Variants in SESN3 observed in about 807,000 individuals in gnomAD.
The protein encoded by SESN3 is sestrin 3.
A neutral mutation model predicts 55.3 loss-of-function variants in SESN3; 21 were observed. That is an observed-to-expected ratio of 0.38 (90% CI 0.27 to 0.55). The LOEUF is 0.55. SESN3 is among the 20% of genes least tolerant of loss of function. The pLI is 0.76. For synonymous variants in SESN3, 181 were observed against 203.1 expected (o/e 0.89, Z 0.93); for missense variants, 408 against 604.3 (o/e 0.68, Z 3.41).
intron 1 of SESN3, among the ~76,000 whole-genome samples, chr11:95,228,558 A>G (rs1431986800): frequency 6.6e-6 from 1 of 152,238 alleles, no homozygotes; most frequent in Admixed American, 6.5e-5. Flanking sequence ...TTTATTAGAA[A>G]TAAACTTTTC....
intron 8 of SESN3, among the ~76,000 whole-genome samples, chr11:95,176,623 C>T (rs1488736233): frequency 6.6e-6 from 1 of 152,138 alleles, no homozygotes; most frequent in African/African-American, 2.4e-5. Context: ...TTCTCTGTTA[C>T]ATTTTCAGTT....
chr11:95,188,668 G>A (rs527656506), intron 4 of SESN3, among the ~76,000 whole-genome samples: 1 of 151,846 alleles, frequency 6.6e-6, no homozygotes, highest in Admixed American at 6.6e-5. Flanking sequence ...TATTCTTCAA[G>A]ACCTAGCTCA....
intron 1 of SESN3, among the ~76,000 whole-genome samples, chr11:95,220,945 T>C (rs1860846458): frequency 6.6e-6 from 1 of 152,198 alleles, no homozygotes; most frequent in African/African-American, 2.4e-5. Flanking sequence ...TTTAAATGCT[T>C]AGCACATAAG....
rs1003862416 is a variant in SESN3, at chr11:95,230,983, C to A, written c.-123G>T. 3.6e-6 allele frequency: 2 copies of A among 558,840 alleles called. No individual in the cohort carries two copies. The highest frequency in any genetic ancestry group is 5.8e-6 in the Non-Finnish European group (2 of 347,058). 34.6% of individuals were successfully genotyped at this position (558,840 alleles called of 1,614,324 possible). On this transcript the variant is annotated 5_prime_UTR_variant, in exon 1 of 10. Coordinates refer to ENST00000536441, the MANE Select transcript of SESN3 (RefSeq NM_144665.4). The surrounding 1 kb of genome is among the most constrained non-coding windows in gnomAD (Gnocchi z 4.6). ...CGATTCCGCCTCAGCCTCCTCAAGG[C>A]GGGATGTCGGGAGGAGAGGCGACTG...
At chr11:95,220,511 C>T (rs1378177056) in intron 1 of SESN3, among the ~76,000 whole-genome samples, 5 of 152,018 alleles carry the variant, frequency 3.3e-5, no homozygotes, top group Admixed American at 3.3e-4. Flanking sequence ...AAAGAGATAA[C>T]TATATAGGAT....
intron 1 of SESN3, among the ~76,000 whole-genome samples, chr11:95,196,133 T>C (rs941745618): frequency 1.3e-5 from 2 of 152,124 alleles, no homozygotes; most frequent in Non-Finnish European, 2.9e-5. Context: ...ACTAACACAA[T>C]TTTTAAGTTT....
intron 4 of SESN3, among the ~76,000 whole-genome samples, chr11:95,189,575 G>A (rs1446844240): frequency 6.6e-6 from 1 of 151,858 alleles, no homozygotes; most frequent in Non-Finnish European, 1.5e-5. Context: ...TTTTCTCATA[G>A]CCATTCACCA....
chr11:95,225,914 C>G (rs1860939509), intron 1 of SESN3, among the ~76,000 whole-genome samples: 1 of 151,882 alleles, frequency 6.6e-6, no homozygotes. Flanking sequence ...CCCTTATTTG[C>G]TGAAGTGTCA....
intron 1 of SESN3, among the ~76,000 whole-genome samples, chr11:95,205,076 G>C (rs1860523818): frequency 3.3e-5 from 5 of 152,088 alleles, no homozygotes; most frequent in Non-Finnish European, 7.4e-5. Flanking sequence ...ACGTAGAAAA[G>C]GATAGTTAAG....
At chr11:95,178,649 A>T in intron 7 of SESN3, 61 bp downstream of exon 7, 1 of 1,033,102 alleles carries the variant, frequency 9.7e-7, no homozygotes, top group East Asian at 2.4e-5. Context: ...TTAAAATTTA[A>T]ACACTTAACA....
Position 95,167,475 on chromosome 11 carries a change from C to CCCCATATATATATATATATAT in SESN3, c.*5779_*5780insATATATATATATATATATGGG, listed in dbSNP as rs563322416. ...TCAGATATTCATTCTGTTTCCCCCC[C>CCCCATATATATATATATATAT]ATATATATAATTTTTCATTCTGTAC... On this transcript the variant is annotated 3_prime_UTR_variant, in exon 10 of 10. Transcript: ENST00000536441. The CCCCATATATATATATATATAT allele has an allele frequency of 4.0e-5, 6 of 150,946 alleles. No individual in the cohort carries two copies. The highest frequency in any genetic ancestry group is 1.5e-4 in the African/African-American group (6 of 40,348). 9.4% of individuals were successfully genotyped at this position (150,946 alleles called of 1,614,324 possible). A position where few individuals can be genotyped will look rare whatever the true frequency, so the allele number is the denominator to read the frequency against.
At chr11:95,175,360 A>G in intron 9 of SESN3, 138 bp downstream of exon 9, 4 of 716,316 alleles carry the variant, frequency 5.6e-6, no homozygotes, top group Non-Finnish European at 8.7e-6. Flanking sequence ...AAGCAAAAAA[A>G]CCCCAGATAG....
intron 1 of SESN3, among the ~76,000 whole-genome samples, chr11:95,221,710 T>A (rs1860862489): frequency 6.6e-6 from 1 of 152,226 alleles, no homozygotes; most frequent in Admixed American, 6.5e-5. Context: ...AACATAAGGT[T>A]AAATGCCTGT....
chr11:95,215,171 T>TA (rs778532437), intron 1 of SESN3, among the ~76,000 whole-genome samples: 125 of 149,854 alleles, frequency 8.3e-4, no homozygotes, highest in Non-Finnish European at 8.1e-4. Flanking sequence ...ACTAAATTCT[T>TA]AGAGTATTAG....
intron 1 of SESN3, among the ~76,000 whole-genome samples, chr11:95,219,856 G>A (rs1268410814): frequency 6.6e-6 from 1 of 151,896 alleles, no homozygotes; most frequent in Non-Finnish European, 1.5e-5. Context: ...CAGGATATAT[G>A]TTCCTCTGGA....
intron 4 of SESN3, 128 bp from the exon 5 acceptor site, chr11:95,185,620 T>C (rs1860148597): frequency 1.6e-6 from 1 of 644,110 alleles, no homozygotes; most frequent in Non-Finnish European, 2.7e-6. Flanking sequence ...CTTTTAAAAA[T>C]GTTTCACATG....
At position 95,166,338 on chromosome 11, in the gene SESN3, G is replaced by C. The variant is rs2134199481; in HGVS notation, c.*6917C>G. ...AAACATCACAGCTTCTGATTACATT[G>C]AATAAAAAGTACCAAGAAACGCAAA... is the stretch of plus-strand genomic sequence containing the variant. On this transcript the variant is annotated 3_prime_UTR_variant, in exon 10 of 10. Transcript: ENST00000536441. 6.6e-6 allele frequency: 1 copy of C among 151,394 alleles called. No individual in the cohort carries two copies. The highest frequency in any genetic ancestry group is 2.1e-4 in the South Asian group (1 of 4,800). 9.4% of individuals were successfully genotyped at this position (151,394 alleles called of 1,614,324 possible).
Position 95,175,570 on chromosome 11 carries a change from C to T in SESN3, c.1320G>A (p.Val440=). ...ERSLKVYIKT[V]TCYPERTTKR... Reference sequence around the variant, plus strand: ...TTGTAGTTCTCTCAGGATAGCAGGTCACTGTCTTAATGTAAACCTTCAGGC... The same window carrying T: ...TTGTAGTTCTCTCAGGATAGCAGGTTACTGTCTTAATGTAAACCTTCAGGC... The change falls in exon 9 of 10, where the codon GTG becomes GTA. Residue 440 remains valine, a synonymous_variant. Coordinates refer to ENST00000536441, the MANE Select transcript of SESN3 (RefSeq NM_144665.4). 1 of 1,613,676 alleles carries T rather than the reference C, an allele frequency of 6.2e-7. No individual in the cohort carries two copies.
In SESN3 at chr11:95,171,364, T is replaced by C. The variant is rs1859845995; in HGVS notation, c.*1891A>G. The C allele has an allele frequency of 6.6e-6, 1 of 152,176 alleles. No homozygotes were observed. Among genetic ancestry groups the C allele is most frequent in the African/African-American group, 2.4e-5 (1 of 41,456 alleles). The allele number at this position is 152,176 out of a possible 1,614,324, so 9.4% of individuals were successfully genotyped here. On this transcript the variant is annotated 3_prime_UTR_variant, in exon 10 of 10. Coordinates refer to ENST00000536441, the MANE Select transcript of SESN3 (RefSeq NM_144665.4). ...TCTCTTTAAATAAACCACCCTGTCT[T>C]TAAAAATATTAGTAATTTTTTCCTC...
Sources: gnomAD v4.1 joint callset for allele counts (sites outside exome capture counted in the v4.1 genomes callset) on GRCh38, gnomAD v4.1.1 for gene constraint, Gnocchi (gnomAD v3.1) non-coding constraint, MANE v1.5 for transcripts, NCBI Gene and HGNC (gene_info 2026-07-23, HGNC 2026-07-21) for gene names.